ELP4: variants seen among roughly 807,000 people sequenced by gnomAD.
ELP4 encodes elongator acetyltransferase complex subunit 4, also known as elongator complex protein 4.
In ELP4, 51 loss-of-function variants were observed where a neutral mutation model predicts 48.9. The ratio of observed to expected loss-of-function variants is 1.04; its 90% CI spans 0.83 to 1.32. ELP4 has a LOEUF of 1.32. ELP4 is among the 40% of genes most tolerant of loss of function. The pLI, the probability that ELP4 is intolerant of heterozygous loss-of-function variation, is 0.00. For missense variants in ELP4, 519 were observed against 514.6 expected, an observed-to-expected ratio of 1.01 and a Z score of -0.08; for synonymous variants, 210 against 189.2, an observed-to-expected ratio of 1.11 and a Z score of -0.90.
chr11:31,513,090 C>A (rs1182138305), intron 1 of ELP4, among the ~76,000 whole-genome samples: 2 of 151,842 alleles, frequency 1.3e-5, no homozygotes, highest in African/African-American at 4.8e-5. Flanking sequence ...GGCTTATTTC[C>A]TTTATTATGT....
intron 3 of ELP4, among the ~76,000 whole-genome samples, chr11:31,543,193 GAGA>G (rs1386882378): frequency 6.6e-6 from 1 of 152,208 alleles, no homozygotes; most frequent in Non-Finnish European, 1.5e-5. Context: ...TCTGTGAAGG[GAGA>G]AGGAGTAGTA....
chr11:31,630,196 A>C (rs780311897), intron 6 of ELP4, among the ~76,000 whole-genome samples: 24 of 147,140 alleles, frequency 1.6e-4, no homozygotes, highest in Admixed American at 5.4e-4. Context: ...AGAGTCAGGA[A>C]GTTTTTTTCT....
At chr11:31,626,352 A>T (rs1374009251) in intron 5 of ELP4, among the ~76,000 whole-genome samples, 1 of 151,822 alleles carries the variant, frequency 6.6e-6, no homozygotes, top group East Asian at 1.9e-4. Flanking sequence ...TATGCTCATG[A>T]CATTATCATG....
intron 1 of ELP4, among the ~76,000 whole-genome samples, chr11:31,517,395 C>T (rs1297696839): frequency 1.3e-5 from 2 of 152,088 alleles, no homozygotes; most frequent in Non-Finnish European, 2.9e-5. Context: ...AACACCTGAG[C>T]TTATGTGATC....
chr11:31,650,354 A>AT, intron 9 of ELP4, 133 bp downstream of exon 9: 1 of 438,852 alleles, frequency 2.3e-6, no homozygotes, highest in Non-Finnish European at 4.1e-6. Context: ...TATGCTAAGT[A>AT]TTTTTAAGTT....
intron 5 of ELP4, among the ~76,000 whole-genome samples, chr11:31,621,260 A>G (rs1944615102): frequency 6.6e-6 from 1 of 151,968 alleles, no homozygotes; most frequent in Non-Finnish European, 1.5e-5. Context: ...AATAATGTCA[A>G]AAATGCTTCA....
intron 2 of ELP4, among the ~76,000 whole-genome samples, chr11:31,529,758 A>C (rs1244377314): frequency 6.6e-6 from 1 of 152,182 alleles, no homozygotes; most frequent in Non-Finnish European, 1.5e-5. Flanking sequence ...AATGACAGTA[A>C]TAGTATTTCC....
chr11:31,533,563 A>AT (rs1207914523), intron 2 of ELP4, among the ~76,000 whole-genome samples: 2 of 147,736 alleles, frequency 1.4e-5, no homozygotes, highest in Non-Finnish European at 3.0e-5. Context: ...TTCTTTTTGT[A>AT]TTTTTTAGTA....
chr11:31,663,453 A>AT (rs1366357523), intron 9 of ELP4: 11 of 152,010 alleles, frequency 7.2e-5, no homozygotes, highest in African/African-American at 2.7e-4. Context: ...TCTACTTAAG[A>AT]TTTTTTTACT....
chr11:31,754,367 C>G (rs1046520601), intron 9 of ELP4, among the ~76,000 whole-genome samples: 1 of 152,080 alleles, frequency 6.6e-6, no homozygotes, highest in Non-Finnish European at 1.5e-5. Flanking sequence ...AGCACTTTCC[C>G]CCTAGCCCAC....
chr11:31,516,237 A>C (rs1257850198), intron 1 of ELP4, among the ~76,000 whole-genome samples: 3 of 152,224 alleles, frequency 2.0e-5, no homozygotes, highest in African/African-American at 7.2e-5. Flanking sequence ...CCTATAGGAA[A>C]TAGGTTAAAG....
chr11:31,625,077 A>C (rs1001366082), intron 5 of ELP4, among the ~76,000 whole-genome samples: 2 of 151,646 alleles, frequency 1.3e-5, no homozygotes, highest in African/African-American at 4.8e-5. Context: ...ATAGTATAGT[A>C]AGTACATAAG....
chr11:31,615,723 A>T (rs1028308794), intron 5 of ELP4, among the ~76,000 whole-genome samples: 4 of 151,934 alleles, frequency 2.6e-5, no homozygotes, highest in Admixed American at 6.6e-5. Context: ...AACTTAGCTC[A>T]CTTTTCAATG....
intron 9 of ELP4, among the ~76,000 whole-genome samples, chr11:31,707,988 G>A (rs953705679): frequency 1.3e-5 from 2 of 152,098 alleles, no homozygotes; most frequent in Non-Finnish European, 2.9e-5. Context: ...TAACATTCAC[G>A]GATTCCAGGA....
intron 2 of ELP4, among the ~76,000 whole-genome samples, chr11:31,527,115 T>G (rs1956307416): frequency 6.6e-6 from 1 of 152,070 alleles, no homozygotes; most frequent in Admixed American, 6.6e-5. Flanking sequence ...CACTTGATGT[T>G]GTTAATCACT....
chr11:31,752,231 C>T (rs1459762368), intron 9 of ELP4, among the ~76,000 whole-genome samples: 2 of 152,004 alleles, frequency 1.3e-5, no homozygotes, highest in Admixed American at 1.3e-4. Flanking sequence ...TTCAACATCA[C>T]AATGTAGAAA....
chr11:31,738,847 A>G (rs184611602), intron 9 of ELP4, among the ~76,000 whole-genome samples: 11 of 152,344 alleles, frequency 7.2e-5, no homozygotes, highest in Non-Finnish European at 2.9e-5. Flanking sequence ...GCATGATTCT[A>G]CATATATGAG....
At position 31,632,252 on chromosome 11, in the gene ELP4, GA is replaced by G. The variant is rs1944876977; in HGVS notation, c.776del (p.Asn259IlefsTer34). The stretch of plus-strand genomic sequence containing the variant: ...GAAACATTTTAAGAATAGGAATTCA[GA>G]ATCTTGGCTCACCTTTATGGGGAGA... ...QRNILRIGIQ[N>X]LGSPLWGDDI... On this transcript the variant is annotated frameshift_variant, in exon 7 of 10. Transcript: ENST00000640961. LOFTEE classifies it high-confidence loss of function. 3 of 1,606,892 alleles carry G rather than the reference GA, an allele frequency of 1.9e-6. No homozygotes were observed. Among genetic ancestry groups the G allele is most frequent in the Admixed American group, 1.7e-5 (1 of 58,128 alleles).
chr11:31,576,938 G>A (rs770824580), intron 3 of ELP4, among the ~76,000 whole-genome samples: 7 of 152,070 alleles, frequency 4.6e-5, no homozygotes, highest in Admixed American at 1.3e-4. Context: ...AGATAACTAA[G>A]ATCAGAGCAG....
Sources: allele counts gnomAD v4.1 joint callset (sites outside exome capture counted in the v4.1 genomes callset), GRCh38; gene constraint gnomAD v4.1.1; transcripts MANE v1.5; gene names NCBI Gene and HGNC (gene_info 2026-07-23, HGNC 2026-07-21).